CAMTA1: variants seen among roughly 807,000 people sequenced by gnomAD.
CAMTA1 encodes calmodulin-binding transcription activator 1.
CAMTA1 carries 27 observed loss-of-function variants against 170.9 expected under a neutral mutation model. That is an observed-to-expected ratio of 0.16 (90% confidence interval 0.12 to 0.22). The LOEUF (loss-of-function observed/expected upper bound fraction) is 0.22, where lower values mean the gene tolerates loss of function less well. CAMTA1 is among the 10% of genes least tolerant of loss of function. The pLI, the probability that CAMTA1 is intolerant of heterozygous loss-of-function variation, is 1.00. For missense variants in CAMTA1, 1,619 were observed against 2,217.2 expected, an observed-to-expected ratio of 0.73 and a Z score of 5.42; for synonymous variants, 833 against 891.5, an observed-to-expected ratio of 0.93 and a Z score of 1.17.
intron 4 of CAMTA1, among the ~76,000 whole-genome samples, chr1:7,136,565 C>T (rs1240741855): frequency 6.6e-6 from 1 of 152,086 alleles, no homozygotes; most frequent in Non-Finnish European, 1.5e-5. Context: ...GCCTGTCTCT[C>T]TCCTTCTGTC....
intron 6 of CAMTA1, among the ~76,000 whole-genome samples, chr1:7,546,914 C>T (rs535807978): frequency 3.2e-4 from 49 of 151,988 alleles, no homozygotes; most frequent in South Asian, 1.7e-3. Context: ...TGTAAGCTTA[C>T]TCATTTTCTG....
chr1:7,198,464 T>G (rs550389359), intron 4 of CAMTA1, among the ~76,000 whole-genome samples: 1 of 152,194 alleles, frequency 6.6e-6, no homozygotes, highest in Non-Finnish European at 1.5e-5. Context: ...TGGACCGTGT[T>G]TGCTGCTGCA....
intron 5 of CAMTA1, among the ~76,000 whole-genome samples, chr1:7,449,558 A>T (rs547683446): frequency 1.3e-5 from 2 of 152,048 alleles, no homozygotes; most frequent in Non-Finnish European, 2.9e-5. Flanking sequence ...TCAATTGAGG[A>T]CAGGAGTTCA....
At chr1:7,603,439 GTCT>G (rs923981616) in intron 6 of CAMTA1, among the ~76,000 whole-genome samples, 19 of 152,120 alleles carry the variant, frequency 1.2e-4, no homozygotes, top group Non-Finnish European at 2.5e-4. Flanking sequence ...TTATGTAATG[GTCT>G]TCTTTGTCTC....
intron 1 of CAMTA1, among the ~76,000 whole-genome samples, chr1:6,815,236 ACT>A (rs1645646637): frequency 6.7e-6 from 1 of 148,384 alleles, no homozygotes; most frequent in African/African-American, 2.5e-5. Context: ...ACGGGGTCTC[ACT>A]CTGTTGCCTA....
chr1:7,463,814 T>G lies in CAMTA1; in HGVS notation c.439-4016T>G, dbSNP rs1276873872. ...GCCACTAAGCCATCACTGCCCAGCCTTCAGGAGCCCTCTTTGGTGTGGGAC... is the reference window on the plus strand; with the variant it reads ...GCCACTAAGCCATCACTGCCCAGCCGTCAGGAGCCCTCTTTGGTGTGGGAC... On this transcript the variant is annotated intron_variant, in intron 5 of 22. Transcript: ENST00000303635. The surrounding 1 kb of genome is among the most constrained non-coding windows in gnomAD (Gnocchi z 4.7). 6.6e-6 allele frequency among the ~76,000 whole-genome samples: 1 copy of G among 152,194 alleles called. No individual in the cohort carries two copies. The highest frequency in any genetic ancestry group is 2.4e-5 in the African/African-American group (1 of 41,464).
chr1:7,356,878 T>C (rs569492213), intron 5 of CAMTA1, among the ~76,000 whole-genome samples: 1 of 152,304 alleles, frequency 6.6e-6, no homozygotes, highest in South Asian at 2.1e-4. Context: ...ACCTGCTTCC[T>C]GGGGTTGAGA....
chr1:7,038,662 A>G (rs568740742), intron 3 of CAMTA1, among the ~76,000 whole-genome samples: 2 of 152,356 alleles, frequency 1.3e-5, no homozygotes, highest in African/African-American at 4.8e-5. Context: ...TAGGAATATC[A>G]TTCATTAGAG....
At chr1:7,667,235 G>A (rs1029332202) in intron 9 of CAMTA1, among the ~76,000 whole-genome samples, 3 of 151,980 alleles carry the variant, frequency 2.0e-5, no homozygotes, top group South Asian at 2.1e-4. Context: ...TGGCACCTTC[G>A]GAGTGCCCAC....
intron 6 of CAMTA1, among the ~76,000 whole-genome samples, chr1:7,485,718 C>G (rs2093609337): frequency 6.6e-6 from 1 of 152,218 alleles, no homozygotes; most frequent in African/African-American, 2.4e-5. Flanking sequence ...GGCCCAGTGC[C>G]TTGCTTTGCA....
intron 3 of CAMTA1, among the ~76,000 whole-genome samples, chr1:6,960,467 T>G (rs1447742379): frequency 2.0e-5 from 3 of 152,168 alleles, no homozygotes; most frequent in Non-Finnish European, 4.4e-5. Flanking sequence ...TTTTCCAGGC[T>G]GACTCTCTTG....
intron 6 of CAMTA1, among the ~76,000 whole-genome samples, chr1:7,526,039 A>G (rs1270206199): frequency 6.6e-6 from 1 of 152,204 alleles, no homozygotes; most frequent in African/African-American, 2.4e-5. Context: ...ATATTTTAAT[A>G]GAATATTTTT....
At chr1:7,327,855 G>C (rs947053634) in intron 5 of CAMTA1, among the ~76,000 whole-genome samples, 1 of 152,008 alleles carries the variant, frequency 6.6e-6, no homozygotes, top group African/African-American at 2.4e-5. Context: ...GAACTCTCAG[G>C]TTTTGTTTTG....
intron 19 of CAMTA1, 127 bp from the exon 20 acceptor site, chr1:7,751,072 C>G (rs149117990): frequency 1.2e-6 from 1 of 808,668 alleles, no homozygotes; most frequent in Non-Finnish European, 2.1e-6. Flanking sequence ...GATTAAACCC[C>G]GGACAGAGAA....
intron 3 of CAMTA1, among the ~76,000 whole-genome samples, chr1:7,009,272 G>C (rs1301024465): frequency 1.3e-5 from 2 of 152,216 alleles, no homozygotes; most frequent in African/African-American, 2.4e-5. Flanking sequence ...TTTCTGGGGG[G>C]CTAGGACTAG....
intron 3 of CAMTA1, among the ~76,000 whole-genome samples, chr1:7,003,055 CTTTAT>C (rs1316996864): frequency 6.6e-6 from 1 of 152,226 alleles, no homozygotes; most frequent in African/African-American, 2.4e-5. Context: ...CTGGGCAATT[CTTTAT>C]TTTAAGACTT....
At chr1:7,201,437 T>A (rs1276131249) in intron 4 of CAMTA1, among the ~76,000 whole-genome samples, 1 of 152,212 alleles carries the variant, frequency 6.6e-6, no homozygotes, top group Non-Finnish European at 1.5e-5. Flanking sequence ...ACTCTGTGTT[T>A]CATTACTTGA....
Position 7,319,991 on chromosome 1 carries a change from T to C in CAMTA1, c.438+70365T>C, listed in dbSNP as rs550755361. Among the ~76,000 whole-genome samples, 6 of 152,352 alleles carry C rather than the reference T, an allele frequency of 3.9e-5. No homozygotes were observed. In the South Asian group the frequency reaches 1.2e-3, roughly 32 times the overall value. On this transcript the variant is annotated intron_variant, in intron 5 of 22. Transcript: ENST00000303635. Reference sequence around the variant, plus strand: ...TGCTAAATTTATTTACCCAGTCTAATAGCTTATCTGCAGTACTCTGGGTAT... The same window carrying C: ...TGCTAAATTTATTTACCCAGTCTAACAGCTTATCTGCAGTACTCTGGGTAT...
chr1:7,463,686 G>A lies in CAMTA1; in HGVS notation c.439-4144G>A, dbSNP rs940606069. Among the ~76,000 whole-genome samples the A allele has an allele frequency of 1.5e-4, 23 of 152,292 alleles. No individual in the cohort carries two copies. Among genetic ancestry groups the A allele is most frequent in the Non-Finnish European group, 2.4e-4 (16 of 68,026 alleles). ...AGAGAGAAACAGATGGTGGGAGTAG[G>A]TGGGGGCAGAAATCTGCTGCGTCAG... On this transcript the variant is annotated intron_variant, in intron 5 of 22. Coordinates refer to ENST00000303635, the MANE Select transcript of CAMTA1 (RefSeq NM_015215.4). The surrounding 1 kb of genome is among the most constrained non-coding windows in gnomAD (Gnocchi z 4.7).
Sources: allele counts gnomAD v4.1 joint callset (sites outside exome capture counted in the v4.1 genomes callset), GRCh38; gene constraint gnomAD v4.1.1; non-coding constraint Gnocchi (gnomAD v3.1); transcripts MANE v1.5; gene names NCBI Gene and HGNC (gene_info 2026-07-23, HGNC 2026-07-21).